The following SYNE1 variants were observed in gnomAD, a reference collection of about 807,000 sequenced individuals.
SYNE1 encodes the protein nesprin-1.
In SYNE1, 616 loss-of-function variants were observed where a neutral mutation model predicts 1,111.0. That is an observed-to-expected ratio of 0.55 (90% CI 0.52 to 0.59). SYNE1 has a LOEUF of 0.59. SYNE1 is among the 20% of genes least tolerant of loss of function. The pLI is 0.00. For missense variants in SYNE1, 10,006 were observed against 10,417.0 expected, an observed-to-expected ratio of 0.96 and a Z score of 1.72; for synonymous variants, 3,855 against 3,825.8, an observed-to-expected ratio of 1.01 and a Z score of -0.28.
chr6:152,161,485 C>A (rs563094268), intron 131 of SYNE1, among the ~76,000 whole-genome samples: 2 of 151,652 alleles, frequency 1.3e-5, no homozygotes, highest in African/African-American at 2.4e-5. Context: ...ATTCTGAATG[C>A]TTTTTTTAAA....
chr6:152,421,642 T>G (rs1314467747), intron 39 of SYNE1, among the ~76,000 whole-genome samples: 1 of 151,680 alleles, frequency 6.6e-6, no homozygotes, highest in African/African-American at 2.4e-5. Flanking sequence ...CAAACTAAGG[T>G]TTTCCAAATC....
chr6:152,453,514 T>C (rs767917304), intron 25 of SYNE1, 72 bp downstream of exon 25: 1 of 1,609,510 alleles, frequency 6.2e-7, no homozygotes. Context: ...TTCTCTTACA[T>C]TTGGACCTTA....
At chr6:152,173,996 T>C (rs2065813739) in intron 130 of SYNE1, among the ~76,000 whole-genome samples, 1 of 152,260 alleles carries the variant, frequency 6.6e-6, no homozygotes, top group Admixed American at 6.5e-5. Context: ...CAAACTCATT[T>C]GCTGTAATAT....
At chr6:152,466,978 T>C (rs1310037638) in intron 16 of SYNE1, among the ~76,000 whole-genome samples, 2 of 152,154 alleles carry the variant, frequency 1.3e-5, no homozygotes, top group Non-Finnish European at 2.9e-5. Context: ...AGCACGCTGA[T>C]GAATGCTTAA....
At chr6:152,366,979 A>T (rs767015626) in intron 62 of SYNE1, 1 of 681,954 alleles carries the variant, frequency 1.5e-6, no homozygotes, top group South Asian at 1.5e-5. Context: ...TTAACAAGTG[A>T]TCACACAAGT....
intron 133 of SYNE1, among the ~76,000 whole-genome samples, chr6:152,154,469 C>CAT (rs1045374656): frequency 6.6e-6 from 1 of 151,694 alleles, no homozygotes; most frequent in African/African-American, 2.4e-5. Flanking sequence ...CACACACACA[C>CAT]ACACACACAC....
intron 85 of SYNE1, among the ~76,000 whole-genome samples, chr6:152,318,589 A>T (rs1447385294): frequency 1.3e-5 from 2 of 152,174 alleles, no homozygotes; most frequent in East Asian, 1.9e-4. Flanking sequence ...TTTGGAATTT[A>T]TATACTTGTA....
intron 98 of SYNE1, among the ~76,000 whole-genome samples, chr6:152,272,895 A>G (rs1366453934): frequency 6.6e-6 from 1 of 152,190 alleles, no homozygotes; most frequent in Non-Finnish European, 1.5e-5. Flanking sequence ...ACTCCAAATT[A>G]TTTTTAGTTT....
intron 56 of SYNE1, among the ~76,000 whole-genome samples, chr6:152,379,612 C>A (rs1424717798): frequency 1.3e-5 from 2 of 151,950 alleles, no homozygotes; most frequent in African/African-American, 2.4e-5. Flanking sequence ...AGATAAAATG[C>A]CATTATTAGA....
At chr6:152,594,418 T>C (rs1748298448) in intron 3 of SYNE1, among the ~76,000 whole-genome samples, 2 of 152,178 alleles carry the variant, frequency 1.3e-5, no homozygotes, top group South Asian at 2.1e-4. Flanking sequence ...CATAAAGAAC[T>C]GGGTTTTGGA....
chr6:152,216,406 TG>T (rs1563589488), intron 121 of SYNE1, among the ~76,000 whole-genome samples: 1 of 152,170 alleles, frequency 6.6e-6, no homozygotes. Context: ...AATGTGTCAC[TG>T]GGGGGCCTGG....
At chr6:152,427,560 C>G in intron 38 of SYNE1, 133 bp downstream of exon 38, 1 of 1,111,500 alleles carries the variant, frequency 9.0e-7, no homozygotes, top group Non-Finnish European at 1.3e-6. Context: ...ACCCTGATGT[C>G]AAATGATGCT....
chr6:152,427,313 A>G (rs1179905843), intron 38 of SYNE1, among the ~76,000 whole-genome samples: 1 of 152,214 alleles, frequency 6.6e-6, no homozygotes, highest in African/African-American at 2.4e-5. Context: ...TCATATAATT[A>G]CAAAAGTAGA....
intron 87 of SYNE1, among the ~76,000 whole-genome samples, chr6:152,315,018 C>A (rs1275987510): frequency 6.7e-6 from 1 of 148,840 alleles, no homozygotes; most frequent in Non-Finnish European, 1.5e-5. Flanking sequence ...GTCATGATAA[C>A]CTTAAGGACT....
chr6:152,534,871 A>C (rs1475995542), intron 4 of SYNE1, among the ~76,000 whole-genome samples: 1 of 152,228 alleles, frequency 6.6e-6, no homozygotes, highest in African/African-American at 2.4e-5. Context: ...ATTAGCATGG[A>C]TTTGTTTTTA....
At chr6:152,386,871 G>A (rs1328658177) in intron 54 of SYNE1, among the ~76,000 whole-genome samples, 1 of 151,964 alleles carries the variant, frequency 6.6e-6, no homozygotes, top group African/African-American at 2.4e-5. Context: ...AAAATGAATA[G>A]GCATTCATAG....
intron 81 of SYNE1, 82 bp downstream of exon 81, chr6:152,325,002 A>G: frequency 2.6e-6 from 4 of 1,535,468 alleles, no homozygotes; most frequent in Non-Finnish European, 3.6e-6. Flanking sequence ...GGCTGACTTC[A>G]AAAAGGGGCA....
intron 138 of SYNE1, 113 bp from the exon 139 acceptor site, chr6:152,141,442 C>T (rs1250982047): frequency 4.4e-5 from 62 of 1,407,156 alleles, no homozygotes; most frequent in Non-Finnish European, 3.7e-5. Flanking sequence ...TGTTTGGCTC[C>T]TCTGTGCCAC....
intron 140 of SYNE1, among the ~76,000 whole-genome samples, chr6:152,137,192 G>C (rs913197681): frequency 1.3e-5 from 2 of 152,108 alleles, no homozygotes; most frequent in African/African-American, 4.8e-5. Context: ...AAATCAAATG[G>C]GAACTTAGAG....
Sources: allele counts gnomAD v4.1 joint callset (sites outside exome capture counted in the v4.1 genomes callset), GRCh38; gene constraint gnomAD v4.1.1; transcripts MANE v1.5; gene names NCBI Gene and HGNC (gene_info 2026-07-23, HGNC 2026-07-21).